The following SENP2 variants were observed in gnomAD, a reference collection of about 807,000 sequenced individuals.
The protein encoded by SENP2 is SUMO specific peptidase 2, also known as sentrin-specific protease 2.
SENP2 carries 16 observed loss-of-function variants against 86.3 expected under a neutral mutation model. The observed-to-expected ratio is 0.19, with a 90% CI of 0.13 to 0.28. The LOEUF is 0.28. Ranked by LOEUF, SENP2 falls within the 10% of genes least tolerant of loss-of-function variation. SENP2 has a pLI of 1.00. For missense variants in SENP2, 552 were observed against 703.0 expected, an observed-to-expected ratio of 0.79 and a Z score of 2.43; for synonymous variants, 222 against 238.7, an observed-to-expected ratio of 0.93 and a Z score of 0.64.
Position 185,586,406 on chromosome 3 carries a change from G to A in SENP2, c.-8G>A. On this transcript the variant is annotated 5_prime_UTR_variant, in exon 1 of 17. Transcript: ENST00000296257. This position sits in a 1 kb window ranked among gnomAD's most constrained non-coding sequence, Gnocchi z 4.3. ...GTGTGTCGGCCGCCGCTGCTGCTTG[G>A]GCCTGGTATGTACAGATGGCTGGTT... 3 of 1,613,890 alleles carry A rather than the reference G, an allele frequency of 1.9e-6. No homozygotes were observed. The highest frequency in any genetic ancestry group is 2.5e-6 in the Non-Finnish European group (3 of 1,179,996).
intron 4 of SENP2, among the ~76,000 whole-genome samples, chr3:185,600,419 C>T (rs1029700549): frequency 7.2e-5 from 11 of 152,124 alleles, no homozygotes; most frequent in Admixed American, 5.2e-4. Flanking sequence ...GCCAAACATA[C>T]GGCTGGTTTG....
chr3:185,614,499 G>A, intron 10 of SENP2, 65 bp from the exon 11 acceptor site: 1 of 1,416,072 alleles, frequency 7.1e-7, no homozygotes, highest in Non-Finnish European at 9.7e-7. Context: ...TATTTCATGT[G>A]TAATCTGTGT....
At chr3:185,602,702 C>T (rs1267590863) in intron 5 of SENP2, among the ~76,000 whole-genome samples, 1 of 151,406 alleles carries the variant, frequency 6.6e-6, no homozygotes, top group African/African-American at 2.4e-5. Context: ...GGTGTGGTGG[C>T]ACACACCTGT....
rs1246441418 is a variant in SENP2, at chr3:185,606,515, T to C, written c.618+17T>C. 13 of 1,554,414 alleles carry C rather than the reference T, an allele frequency of 8.4e-6. No individual in the cohort carries two copies. The highest frequency in any genetic ancestry group is 1.1e-5 in the Non-Finnish European group (13 of 1,155,876). ...GTGGAGGAGGTAAGCCTTTTCAGCTTGATTTCTTTAAAAAAAATTTTACAG... is the reference window on the plus strand; with the variant it reads ...GTGGAGGAGGTAAGCCTTTTCAGCTCGATTTCTTTAAAAAAAATTTTACAG... On this transcript the variant is annotated intron_variant, in intron 6 of 16. Transcript: ENST00000296257.
At chr3:185,620,484 C>T (rs1711808562) in intron 13 of SENP2, among the ~76,000 whole-genome samples, 1 of 151,986 alleles carries the variant, frequency 6.6e-6, no homozygotes, top group African/African-American at 2.4e-5. Context: ...GCTCTGTTTC[C>T]CAGGCTGGAG....
chr3:185,629,997 A>G lies in SENP2; in HGVS notation c.*153A>G, dbSNP rs1202371730. The G allele has an allele frequency of 4.3e-6, 3 of 699,760 alleles. No individual in the cohort carries two copies. The highest frequency in any genetic ancestry group is 7.4e-6 in the Non-Finnish European group (3 of 404,494). The allele number at this position is 699,760 out of a possible 1,614,324, so 43.3% of individuals were successfully genotyped here. On this transcript the variant is annotated 3_prime_UTR_variant, in exon 17 of 17. Coordinates refer to ENST00000296257, the MANE Select transcript of SENP2 (RefSeq NM_021627.3). ...GCATGAAGGCCTCTCACTGTACTCT[A>G]GTCCTGACTTGGGGTGCAGAGGGCT...
At chr3:185,621,229 GC>G (rs1711859126) in intron 13 of SENP2, among the ~76,000 whole-genome samples, 1 of 45,636 alleles carries the variant, frequency 2.2e-5, no homozygotes, top group African/African-American at 9.8e-5. Context: ...TATAAAGAAA[GC>G]AAAAAAAAAA....
chr3:185,588,426 C>G (rs1721872649), intron 1 of SENP2, among the ~76,000 whole-genome samples: 2 of 152,084 alleles, frequency 1.3e-5, no homozygotes, highest in Admixed American at 1.3e-4. Flanking sequence ...CTCCTGACCT[C>G]GTGATCCACC....
intron 8 of SENP2, chr3:185,612,277 T>C (rs187624640): frequency 7.8e-4 from 166 of 212,544 alleles, no homozygotes; most frequent in African/African-American, 3.7e-3. Flanking sequence ...AGCTGCTAGA[T>C]AGTAGCAACT....
chr3:185,591,386 C>G (rs1222830424), intron 2 of SENP2, among the ~76,000 whole-genome samples: 1 of 152,128 alleles, frequency 6.6e-6, no homozygotes, highest in Non-Finnish European at 1.5e-5. Context: ...GAGTCTCGCT[C>G]TGTCACCCAG....
chr3:185,587,877 G>A (rs1721846715), intron 1 of SENP2, among the ~76,000 whole-genome samples: 2 of 151,106 alleles, frequency 1.3e-5, no homozygotes, highest in Non-Finnish European at 2.9e-5. Flanking sequence ...TGGGATTACA[G>A]GCGCCTGCCA....
intron 12 of SENP2, 84 bp from the exon 13 acceptor site, chr3:185,619,215 C>A: frequency 9.9e-7 from 1 of 1,013,586 alleles, no homozygotes; most frequent in Non-Finnish European, 1.5e-6. Context: ...ACCTTACCTT[C>A]GAATTCATCC....
At chr3:185,619,768 C>T (rs952515394) in intron 13 of SENP2, among the ~76,000 whole-genome samples, 12 of 151,940 alleles carry the variant, frequency 7.9e-5, no homozygotes, top group Non-Finnish European at 1.6e-4. Context: ...CGCTCTGTTG[C>T]CCAGGCTGGA....
At chr3:185,622,619 T>TA (rs1273869468) in intron 14 of SENP2, among the ~76,000 whole-genome samples, 22 of 152,112 alleles carry the variant, frequency 1.4e-4, no homozygotes, top group African/African-American at 5.1e-4. Context: ...AATCATAAGA[T>TA]ACACCAATTG....
intron 5 of SENP2, among the ~76,000 whole-genome samples, 186 bp downstream of exon 5, chr3:185,601,041 C>CTTTT (rs11315344): frequency 1.3e-5 from 1 of 75,520 alleles, no homozygotes; most frequent in African/African-American, 5.8e-5. Flanking sequence ...CTTTTCTTGT[C>CTTTT]TTTTTTTTTT....
In SENP2 at chr3:185,630,130, T is replaced by A; in HGVS notation, c.*286T>A. 1 of 308,464 alleles carries A rather than the reference T, an allele frequency of 3.2e-6. No individual in the cohort carries two copies. Among genetic ancestry groups the A allele is most frequent in the Non-Finnish European group, 6.2e-6 (1 of 161,642 alleles). The allele number at this position is 308,464 out of a possible 1,614,324, so 19.1% of individuals were successfully genotyped here. A position where few individuals can be genotyped will look rare whatever the true frequency, so the allele number is the denominator to read the frequency against. On this transcript the variant is annotated 3_prime_UTR_variant, in exon 17 of 17. Coordinates refer to ENST00000296257, the MANE Select transcript of SENP2 (RefSeq NM_021627.3). ...TTTTTTTAAGAGATTCTTTTCCCTA[T>A]GAATGTGGGAAATGCAGGATTTATT...
chr3:185,616,471 T>C (rs1208836022), intron 11 of SENP2, among the ~76,000 whole-genome samples: 19 of 123,782 alleles, frequency 1.5e-4, no homozygotes, highest in Non-Finnish European at 2.8e-4. Flanking sequence ...TGAGAATCTG[T>C]CTCAAAAAAA....
intron 16 of SENP2, among the ~76,000 whole-genome samples, chr3:185,627,059 G>A (rs1712181373): frequency 7.1e-6 from 1 of 141,444 alleles, no homozygotes; most frequent in African/African-American, 2.7e-5. Flanking sequence ...AGCCGCCTGG[G>A]GCAACAGGAG....
chr3:185,630,003 G>A lies in SENP2; in HGVS notation c.*159G>A, dbSNP rs141049268. 1.5e-6 allele frequency: 1 copy of A among 672,116 alleles called. No individual in the cohort carries two copies. The highest frequency in any genetic ancestry group is 2.6e-6 in the Non-Finnish European group (1 of 383,766). 41.6% of individuals were successfully genotyped at this position (672,116 alleles called of 1,614,324 possible). On this transcript the variant is annotated 3_prime_UTR_variant, in exon 17 of 17. Coordinates refer to ENST00000296257, the MANE Select transcript of SENP2 (RefSeq NM_021627.3). ...AGGCCTCTCACTGTACTCTAGTCCT[G>A]ACTTGGGGTGCAGAGGGCTGCTTGC...
Sources: gnomAD v4.1 joint callset for allele counts (sites outside exome capture counted in the v4.1 genomes callset) on GRCh38, gnomAD v4.1.1 for gene constraint, Gnocchi (gnomAD v3.1) non-coding constraint, MANE v1.5 for transcripts, NCBI Gene and HGNC (gene_info 2026-07-23, HGNC 2026-07-21) for gene names.